CLEC2A: variants seen among roughly 807,000 people sequenced by gnomAD.
CLEC2A encodes the protein keratinocyte-associated C-type lectin.
In CLEC2A, 19 loss-of-function variants were observed where a neutral mutation model predicts 18.6. The observed-to-expected ratio is 1.02, with a 90% CI of 0.71 to 1.50. The LOEUF is 1.50. Ranked by LOEUF, CLEC2A falls within the 40% of genes most tolerant of loss-of-function variation. The probability of loss-of-function intolerance (pLI) is 0.00; values close to 1 mark genes in which losing one functional copy is unlikely to be tolerated. For synonymous variants in CLEC2A, 74 were observed against 64.0 expected (o/e 1.16, Z -0.75); for missense variants, 190 against 207.9 (o/e 0.91, Z 0.53).
chr12:9,916,309 C>T (rs1479218226), intron 4 of CLEC2A, among the ~76,000 whole-genome samples: 5 of 151,930 alleles, frequency 3.3e-5, no homozygotes, highest in African/African-American at 9.7e-5. Context: ...AAGTCTTTAA[C>T]CCTTTAAAGA....
chr12:9,926,545 C>A (rs73247987), intron 1 of CLEC2A, among the ~76,000 whole-genome samples: 19 of 151,826 alleles, frequency 1.3e-4, no homozygotes, highest in African/African-American at 4.6e-4. Context: ...CTGTTCGGCT[C>A]GAGAGAGTGG....
downstream of CLEC2A, among the ~76,000 whole-genome samples, chr12:9,896,849 A>G (rs1591781251): frequency 6.7e-6 from 1 of 150,312 alleles, no homozygotes; most frequent in African/African-American, 2.5e-5. Context: ...CACGAGATAC[A>G]GTCTCTTAAT....
At chr12:9,931,412 T>A (rs1028642211) in intron 1 of CLEC2A, among the ~76,000 whole-genome samples, 3 of 152,168 alleles carry the variant, frequency 2.0e-5, no homozygotes, top group Non-Finnish European at 4.4e-5. Context: ...AAATAGAACA[T>A]CCTTAAATTA....
chr12:9,894,425 A>C (rs1197908779), downstream of CLEC2A, among the ~76,000 whole-genome samples: 1 of 151,550 alleles, frequency 6.6e-6, no homozygotes, highest in Non-Finnish European at 1.5e-5. Flanking sequence ...TCAAACTATC[A>C]CCCACCTCAG....
chr12:9,908,361 T>C (rs181101438), downstream of CLEC2A, among the ~76,000 whole-genome samples: 276 of 152,292 alleles, frequency 1.8e-3, no homozygotes, highest in African/African-American at 5.4e-3. Flanking sequence ...AATTTCTGCT[T>C]CCAGGATTAA....
At chr12:9,928,319 TA>T (rs1394239369) in intron 1 of CLEC2A, among the ~76,000 whole-genome samples, 1 of 151,932 alleles carries the variant, frequency 6.6e-6, no homozygotes, top group Non-Finnish European at 1.5e-5. Flanking sequence ...CACAAAAAAT[TA>T]GCTGTGCATG....
chr12:9,922,194 C>A lies in CLEC2A; in HGVS notation c.178G>T (p.Gly60Trp), dbSNP rs1397740306. The A allele has an allele frequency of 3.2e-6, 5 of 1,550,356 alleles. No individual in the cohort carries two copies. In the African/African-American group the frequency reaches 5.5e-5, roughly 17 times the overall value. ...TTATCTCTCACTCCAAGCCAGTCCC[C>A]TGAACATGCCACAGGTTTAGCATGC... ...SKHAKPVACS[G>W]DWLGVRDKCF... The change falls in exon 3 of 5, where the codon GGG becomes TGG. Residue 60 changes from glycine (G) to tryptophan (W), a missense_variant. Transcript: ENST00000455827.
At chr12:9,911,696 T>C (rs1396543119), downstream of CLEC2A, among the ~76,000 whole-genome samples, 2 of 152,176 alleles carry the variant, frequency 1.3e-5, no homozygotes, top group Non-Finnish European at 2.9e-5. Flanking sequence ...TCCAAGCACT[T>C]TTCTTTAGGA....
At chr12:9,926,902 C>G (rs1445637806) in intron 1 of CLEC2A, among the ~76,000 whole-genome samples, 1 of 152,002 alleles carries the variant, frequency 6.6e-6, no homozygotes, top group Non-Finnish European at 1.5e-5. Context: ...TTAGAGAAAA[C>G]TCAGGATTTG....
chr12:9,918,939 T>C (rs1165260385), intron 3 of CLEC2A, among the ~76,000 whole-genome samples: 2 of 152,214 alleles, frequency 1.3e-5, no homozygotes, highest in African/African-American at 4.8e-5. Flanking sequence ...TCTTTAATTT[T>C]AGAGGGGGTT....
At chr12:9,880,634 G>A in the CLEC2A span, among the ~76,000 whole-genome samples, 1 of 152,112 alleles carries the variant, frequency 6.6e-6, no homozygotes, top group Non-Finnish European at 1.5e-5. Flanking sequence ...GACAGACTGG[G>A]TACCTAGGAA....
chr12:9,913,395 T>C lies in CLEC2A; in HGVS notation c.*171A>G. 7 of 1,206,354 alleles carry C rather than the reference T, an allele frequency of 5.8e-6. No homozygotes were observed. In the South Asian group the frequency reaches 7.0e-5, roughly 12 times the overall value. 74.7% of individuals were successfully genotyped at this position (1,206,354 alleles called of 1,614,324 possible). A position where few individuals can be genotyped will look rare whatever the true frequency, so the allele number is the denominator to read the frequency against. On this transcript the variant is annotated 3_prime_UTR_variant, in exon 5 of 5. Transcript: ENST00000455827. ...TAAAAGGCTCCAGAGAACGGCCTTG[T>C]CTCTTTAACCATGGCAGGGCACAGC...
intron 3 of CLEC2A, among the ~76,000 whole-genome samples, chr12:9,920,821 G>A (rs189438500): frequency 2.0e-5 from 3 of 152,148 alleles, no homozygotes; most frequent in African/African-American, 2.4e-5. Context: ...TCGCGTCTTC[G>A]AAGTGCACAT....
At chr12:9,905,102 G>A (rs940302119) in intron 4 of CLEC2A, among the ~76,000 whole-genome samples, 1 of 152,180 alleles carries the variant, frequency 6.6e-6, no homozygotes, top group Non-Finnish European at 1.5e-5. Context: ...ACTTTCTGCT[G>A]GAAAGAAAAG....
At chr12:9,903,729 A>C (rs1312703548) in intron 4 of CLEC2A, among the ~76,000 whole-genome samples, 1 of 152,168 alleles carries the variant, frequency 6.6e-6, no homozygotes, top group Admixed American at 6.5e-5. Flanking sequence ...GTTGTAATAG[A>C]TGTAATTTAT....
chr12:9,906,061 A>G (rs1472078203), intron 4 of CLEC2A, among the ~76,000 whole-genome samples: 1 of 146,706 alleles, frequency 6.8e-6, no homozygotes, highest in African/African-American at 2.5e-5. Context: ...AGCTATCTCT[A>G]ACTTGTTTGG....
chr12:9,929,699 G>T (rs1202789567), intron 1 of CLEC2A, among the ~76,000 whole-genome samples: 1 of 152,012 alleles, frequency 6.6e-6, no homozygotes, highest in East Asian at 1.9e-4. Flanking sequence ...ATAAGAAGAT[G>T]AGTCTGTTTC....
At chr12:9,900,499 A>G (rs1220672095) in intron 4 of CLEC2A, among the ~76,000 whole-genome samples, 3 of 152,230 alleles carry the variant, frequency 2.0e-5, no homozygotes, top group South Asian at 4.1e-4. Flanking sequence ...GTTTGCATAA[A>G]GTGCAGCAAG....
chr12:9,919,513 T>C (rs531493198), intron 3 of CLEC2A, among the ~76,000 whole-genome samples: 10 of 152,318 alleles, frequency 6.6e-5, no homozygotes, highest in African/African-American at 1.9e-4. Context: ...GCAGTTCCAG[T>C]GCAGAGGCAG....
Sources: allele counts gnomAD v4.1 joint callset (sites outside exome capture counted in the v4.1 genomes callset), GRCh38; gene constraint gnomAD v4.1.1; transcripts MANE v1.5; gene names NCBI Gene and HGNC (gene_info 2026-07-23, HGNC 2026-07-21).